CLVS1: variants seen among roughly 807,000 people sequenced by gnomAD.
The protein encoded by CLVS1 is clavesin-1.
In CLVS1, 10 loss-of-function variants were observed where a neutral mutation model predicts 33.1. That is an observed-to-expected ratio of 0.30 (90% CI 0.19 to 0.51). The LOEUF is 0.51. Among genes scored for constraint, CLVS1 ranks in the 20% least tolerant of loss-of-function variants. The probability of loss-of-function intolerance (pLI) is 0.97; values close to 1 mark genes in which losing one functional copy is unlikely to be tolerated. For missense variants in CLVS1, 343 were observed against 433.4 expected, an observed-to-expected ratio of 0.79 and a Z score of 1.85; for synonymous variants, 163 against 166.1, an observed-to-expected ratio of 0.98 and a Z score of 0.14.
chr8:60,995,280 T>C, the CLVS1 span, among the ~76,000 whole-genome samples: 1 of 151,602 alleles, frequency 6.6e-6, no homozygotes, highest in Non-Finnish European at 1.5e-5. Context: ...AGGGCTAATA[T>C]CCAGAATCTA....
intron 2 of CLVS1, among the ~76,000 whole-genome samples, chr8:61,244,112 C>T (rs759935240): frequency 6.6e-6 from 1 of 152,038 alleles, no homozygotes; most frequent in African/African-American, 2.4e-5. Context: ...CAAATGACTG[C>T]TTGTTTTAGC....
chr8:61,024,830 C>A, the CLVS1 span, among the ~76,000 whole-genome samples: 1 of 151,660 alleles, frequency 6.6e-6, no homozygotes, highest in Admixed American at 6.6e-5. Flanking sequence ...ATTTTTCTTT[C>A]TGTTTTTCTT....
the CLVS1 span, among the ~76,000 whole-genome samples, chr8:60,981,532 C>T: frequency 1.3e-5 from 2 of 152,198 alleles, no homozygotes; most frequent in Non-Finnish European, 2.9e-5. Context: ...GACTCATACT[C>T]GCTGTTGCTT....
intron 3 of CLVS1, among the ~76,000 whole-genome samples, chr8:61,421,325 T>G (rs1042870154): frequency 6.6e-6 from 1 of 152,092 alleles, no homozygotes; most frequent in African/African-American, 2.4e-5. Context: ...GTGAGGAGTA[T>G]ATAAAGCAAT....
chr8:61,491,375 C>T (rs1804083541), intron 5 of CLVS1, among the ~76,000 whole-genome samples: 1 of 152,076 alleles, frequency 6.6e-6, no homozygotes, highest in Admixed American at 6.6e-5. Flanking sequence ...AAACCATAGC[C>T]CAGTGCTCTT....
intron 2 of CLVS1, among the ~76,000 whole-genome samples, chr8:61,189,302 C>A (rs1011664568): frequency 6.6e-6 from 1 of 152,030 alleles, no homozygotes; most frequent in African/African-American, 2.4e-5. Flanking sequence ...GAAATAAAAT[C>A]CTTTACAGAC....
At chr8:61,292,342 A>G (rs776480211) in intron 1 of CLVS1, 4 of 456,092 alleles carry the variant, frequency 8.8e-6, no homozygotes, top group South Asian at 3.1e-5. Context: ...TGTGATTCCC[A>G]CTGCTGCCAT....
chr8:61,390,475 A>T (rs1814259242), intron 3 of CLVS1, among the ~76,000 whole-genome samples: 1 of 152,236 alleles, frequency 6.6e-6, no homozygotes, highest in Admixed American at 6.5e-5. Context: ...CATCTTGAAA[A>T]TGCTCTGCAG....
intron 2 of CLVS1, among the ~76,000 whole-genome samples, chr8:61,191,294 A>G (rs1807468736): frequency 6.6e-6 from 1 of 152,212 alleles, no homozygotes; most frequent in East Asian, 1.9e-4. Context: ...ATCTCAATAG[A>G]TGCAGAAAAG....
chr8:61,463,798 G>A (rs1381445848), intron 5 of CLVS1, among the ~76,000 whole-genome samples: 1 of 152,070 alleles, frequency 6.6e-6, no homozygotes, highest in Non-Finnish European at 1.5e-5. Flanking sequence ...CGGGTGCAGT[G>A]GCTCAAGCCT....
chr8:61,333,964 C>CTG (rs1435454462), intron 2 of CLVS1, among the ~76,000 whole-genome samples: 7 of 152,138 alleles, frequency 4.6e-5, no homozygotes, highest in African/African-American at 1.7e-4. Context: ...ATTTGGTTTT[C>CTG]TGTTTGTGTT....
intron 3 of CLVS1, among the ~76,000 whole-genome samples, chr8:61,381,143 G>T (rs188372100): frequency 8.5e-4 from 127 of 149,850 alleles, no homozygotes; most frequent in African/African-American, 3.0e-3. Flanking sequence ...TTTATTCAAG[G>T]TTTATTGTGT....
intron 2 of CLVS1, among the ~76,000 whole-genome samples, chr8:61,281,123 A>C (rs1462191106): frequency 6.6e-6 from 1 of 152,178 alleles, no homozygotes; most frequent in African/African-American, 2.4e-5. Context: ...TCATTGCAAA[A>C]ATCTCCAGAA....
At chr8:61,416,298 C>A (rs978978330) in intron 3 of CLVS1, among the ~76,000 whole-genome samples, 23 of 134,888 alleles carry the variant, frequency 1.7e-4, no homozygotes, top group East Asian at 8.0e-4. Context: ...AGCTAGCTAG[C>A]TAGCTAGATA....
chr8:61,126,025 T>G (rs949727735), intron 1 of CLVS1, among the ~76,000 whole-genome samples: 3 of 151,906 alleles, frequency 2.0e-5, no homozygotes, highest in Non-Finnish European at 4.4e-5. Flanking sequence ...AAATGCATGA[T>G]AAATATACAA....
chr8:61,413,778 T>C (rs189468028), intron 3 of CLVS1, among the ~76,000 whole-genome samples: 1 of 152,314 alleles, frequency 6.6e-6, no homozygotes, highest in East Asian at 1.9e-4. Context: ...TCCCAGATTC[T>C]CTAGCTTGGA....
At chr8:61,248,377 A>T (rs1449914174) in intron 2 of CLVS1, among the ~76,000 whole-genome samples, 1 of 152,094 alleles carries the variant, frequency 6.6e-6, no homozygotes, top group Non-Finnish European at 1.5e-5. Flanking sequence ...TTGCCTTTGG[A>T]CAATATAGCT....
intron 2 of CLVS1, among the ~76,000 whole-genome samples, chr8:61,339,641 G>A (rs1811940838): frequency 6.6e-6 from 1 of 151,934 alleles, no homozygotes; most frequent in African/African-American, 2.4e-5. Context: ...TCATCAGCAA[G>A]CAGGTATGCA....
intron 2 of CLVS1, among the ~76,000 whole-genome samples, chr8:61,238,244 T>C (rs1432222076): frequency 6.6e-6 from 1 of 151,774 alleles, no homozygotes; most frequent in African/African-American, 2.4e-5. Context: ...GCAGTTTTTG[T>C]TCCTTCCTTC....
Sources: gnomAD v4.1 joint callset for allele counts (sites outside exome capture counted in the v4.1 genomes callset) on GRCh38, gnomAD v4.1.1 for gene constraint, MANE v1.5 for transcripts, NCBI Gene and HGNC (gene_info 2026-07-23, HGNC 2026-07-21) for gene names.